GRIK4: variants seen among roughly 807,000 people sequenced by gnomAD.
The protein encoded by GRIK4 is glutamate ionotropic receptor kainate type subunit 4, also known as glutamate receptor ionotropic, kainate 4.
Under a neutral mutation model 104.9 loss-of-function variants are expected in GRIK4, and 40 were observed. The ratio of observed to expected loss-of-function variants is 0.38; its 90% CI spans 0.30 to 0.50. The LOEUF (loss-of-function observed/expected upper bound fraction) is 0.50. Among genes scored for constraint, GRIK4 ranks in the 20% least tolerant of loss-of-function variants. The pLI, the probability that GRIK4 is intolerant of heterozygous loss-of-function variation, is 0.93. For synonymous variants in GRIK4, 485 were observed against 524.9 expected (o/e 0.92, Z 1.04); for missense variants, 1,047 against 1,308.1 (o/e 0.80, Z 3.08).
chr11:120,919,863 G>A (rs1943189442), intron 13 of GRIK4, among the ~76,000 whole-genome samples: 1 of 152,108 alleles, frequency 6.6e-6, no homozygotes, highest in South Asian at 2.1e-4. Context: ...ATGGTCTCTG[G>A]GATGACGGAT....
intron 1 of GRIK4, among the ~76,000 whole-genome samples, chr11:120,573,524 C>T (rs1353302292): frequency 1.3e-5 from 2 of 152,142 alleles, no homozygotes; most frequent in Admixed American, 6.5e-5. Flanking sequence ...CTTGTGGGTC[C>T]TTGGAGGTCC....
At chr11:120,884,007 G>T (rs1174341075) in intron 11 of GRIK4, among the ~76,000 whole-genome samples, 1 of 152,212 alleles carries the variant, frequency 6.6e-6, no homozygotes, top group Non-Finnish European at 1.5e-5. Context: ...AGGCAGGCAG[G>T]CCTGGGGAAA....
chr11:120,737,677 A>C (rs1438400780), intron 3 of GRIK4, among the ~76,000 whole-genome samples: 2 of 152,240 alleles, frequency 1.3e-5, no homozygotes, highest in Non-Finnish European at 2.9e-5. Context: ...CTAGGAATGC[A>C]CTTGGGTGAT....
intron 13 of GRIK4, among the ~76,000 whole-genome samples, chr11:120,937,258 C>T (rs1325161581): frequency 2.6e-5 from 4 of 152,058 alleles, no homozygotes; most frequent in Non-Finnish European, 4.4e-5. Context: ...AGGCTGATCT[C>T]GAACTCCTGA....
At chr11:120,527,759 A>G (rs1023813521) in intron 1 of GRIK4, among the ~76,000 whole-genome samples, 3 of 152,224 alleles carry the variant, frequency 2.0e-5, no homozygotes, top group Non-Finnish European at 4.4e-5. Flanking sequence ...GAGCAGATAC[A>G]GCCTCATTGT....
intron 1 of GRIK4, among the ~76,000 whole-genome samples, chr11:120,626,738 G>A (rs974911332): frequency 6.6e-6 from 1 of 152,132 alleles, no homozygotes; most frequent in Non-Finnish European, 1.5e-5. Flanking sequence ...TGCACTCATC[G>A]CTCTGGACAC....
intron 14 of GRIK4, among the ~76,000 whole-genome samples, chr11:120,949,186 G>A (rs1418940240): frequency 1.3e-5 from 2 of 152,160 alleles, no homozygotes; most frequent in Admixed American, 6.5e-5. Flanking sequence ...GCATGAAAGG[G>A]GGGTTTAATG....
intron 3 of GRIK4, among the ~76,000 whole-genome samples, chr11:120,706,072 A>G (rs1437330720): frequency 6.6e-6 from 1 of 152,120 alleles, no homozygotes; most frequent in East Asian, 1.9e-4. Context: ...CTAGAGTTCC[A>G]GGGACCCTGG....
intron 1 of GRIK4, among the ~76,000 whole-genome samples, chr11:120,608,109 A>G (rs1040135129): frequency 5.3e-5 from 8 of 152,210 alleles, no homozygotes; most frequent in African/African-American, 1.7e-4. Flanking sequence ...TGAGCAAGGA[A>G]GTGTCAAGGT....
At chr11:120,906,504 C>T (rs1942870122) in intron 13 of GRIK4, among the ~76,000 whole-genome samples, 1 of 152,222 alleles carries the variant, frequency 6.6e-6, no homozygotes, top group Non-Finnish European at 1.5e-5. Flanking sequence ...GCTTGAGTGA[C>T]TTGTCGGGAG....
At chr11:120,685,255 T>C (rs1339743946) in intron 3 of GRIK4, among the ~76,000 whole-genome samples, 1 of 152,178 alleles carries the variant, frequency 6.6e-6, no homozygotes, top group South Asian at 2.1e-4. Flanking sequence ...ACCAGCAGCA[T>C]TGACATCACC....
At chr11:120,553,739 G>A (rs1251816327) in intron 1 of GRIK4, among the ~76,000 whole-genome samples, 1 of 152,192 alleles carries the variant, frequency 6.6e-6, no homozygotes, top group Non-Finnish European at 1.5e-5. Context: ...GGAGCAGGCT[G>A]GGGGTGCAGA....
chr11:120,805,593 T>G (rs979293924), intron 4 of GRIK4, among the ~76,000 whole-genome samples: 20 of 152,186 alleles, frequency 1.3e-4, no homozygotes, highest in African/African-American at 4.8e-4. Flanking sequence ...CTCAGTGTGT[T>G]TGAGGTACGA....
chr11:120,643,392 G>A (rs576084593), intron 1 of GRIK4, among the ~76,000 whole-genome samples: 13 of 152,326 alleles, frequency 8.5e-5, no homozygotes, highest in African/African-American at 2.6e-4. Context: ...AGGTGGGAAT[G>A]TGCAGGGTGT....
Position 120,615,693 on chromosome 11 carries a change from G to T in GRIK4, c.-158-37992G>T, listed in dbSNP as rs1227656708. 2.0e-5 allele frequency among the ~76,000 whole-genome samples: 3 copies of T among 152,190 alleles called. No individual in the cohort carries two copies. In the East Asian group the frequency reaches 5.8e-4, roughly 29 times the overall value. On this transcript the variant is annotated intron_variant, in intron 1 of 20. Coordinates refer to ENST00000527524, the MANE Select transcript of GRIK4 (RefSeq NM_014619.5). The stretch of plus-strand genomic sequence containing the variant: ...GCACTCTTCCTGCCCCTAGGGCCTG[G>T]TAAGTGACTTTGCCATCAGGCTTTG...
intron 3 of GRIK4, among the ~76,000 whole-genome samples, chr11:120,793,985 G>GT (rs1952455865): frequency 6.6e-6 from 1 of 151,696 alleles, no homozygotes; most frequent in Non-Finnish European, 1.5e-5. Context: ...TGAGAGCCGG[G>GT]TGATGGTTAG....
At chr11:120,573,388 T>C (rs1948428883) in intron 1 of GRIK4, among the ~76,000 whole-genome samples, 1 of 152,146 alleles carries the variant, frequency 6.6e-6, no homozygotes, top group Non-Finnish European at 1.5e-5. Flanking sequence ...GGCACGTGGC[T>C]GTTGAGGGGA....
At chr11:120,760,681 T>C (rs1288872805) in intron 3 of GRIK4, among the ~76,000 whole-genome samples, 1 of 152,056 alleles carries the variant, frequency 6.6e-6, no homozygotes, top group Admixed American at 6.6e-5. Flanking sequence ...CACTTATGAG[T>C]GAGAACATGC....
chr11:120,961,822 C>T (rs2134731963), intron 17 of GRIK4, among the ~76,000 whole-genome samples: 1 of 152,338 alleles, frequency 6.6e-6, no homozygotes, highest in South Asian at 2.1e-4. Flanking sequence ...TCCCATGAAA[C>T]AAGTCCAATG....
Sources: gnomAD v4.1 joint callset for allele counts (sites outside exome capture counted in the v4.1 genomes callset) on GRCh38, gnomAD v4.1.1 for gene constraint, MANE v1.5 for transcripts, NCBI Gene and HGNC (gene_info 2026-07-23, HGNC 2026-07-21) for gene names.